CSGALNACT2: variants seen among roughly 807,000 people sequenced by gnomAD.
CSGALNACT2 encodes the protein beta 4 GalNAcT-2.
In CSGALNACT2, 35 loss-of-function variants were observed where a neutral mutation model predicts 55.3. The observed-to-expected ratio is 0.63, with a 90% CI of 0.48 to 0.84. CSGALNACT2 has a LOEUF of 0.84. Among genes scored for constraint, CSGALNACT2 ranks in the 40% least tolerant of loss-of-function variants. CSGALNACT2 has a pLI of 0.00. For missense variants in CSGALNACT2, 544 were observed against 657.5 expected, an observed-to-expected ratio of 0.83 and a Z score of 1.89; for synonymous variants, 196 against 224.9, an observed-to-expected ratio of 0.87 and a Z score of 1.15.
At position 43,163,945 on chromosome 10, in the gene CSGALNACT2, C is replaced by T. The variant is rs760194024; in HGVS notation, c.1060C>T (p.Arg354Ter). ...TGGACGAGGACTAAATGTGGGTGCC[C>T]GAGCTTGGGACAAGGGAGAGGTCTT... ...NRGRGLNVGA[R>*]AWDKGEVLMF... is the part of the protein sequence containing the mutation. Residue 354 changes from arginine (R) to a stop codon, truncating the protein, a stop_gained, in exon 5 of 8, where the codon CGA becomes TGA. Transcript: ENST00000374466. LOFTEE classifies it high-confidence loss of function. 55 of 1,613,848 alleles carry T rather than the reference C, an allele frequency of 3.4e-5. No homozygotes were observed. The highest frequency in any genetic ancestry group is 4.5e-5 in the Non-Finnish European group (53 of 1,179,964).
At chr10:43,156,886 C>G (rs1396717895) in intron 2 of CSGALNACT2, among the ~76,000 whole-genome samples, 1 of 152,230 alleles carries the variant, frequency 6.6e-6, no homozygotes, top group Non-Finnish European at 1.5e-5. Flanking sequence ...CAGTAGCGGT[C>G]TGTGGCCTGG....
intron 1 of CSGALNACT2, among the ~76,000 whole-genome samples, chr10:43,144,434 T>C (rs936495013): frequency 1.3e-5 from 2 of 152,230 alleles, no homozygotes; most frequent in Non-Finnish European, 2.9e-5. Flanking sequence ...AGAAAAGATA[T>C]GGTAAGACCT....
chr10:43,163,523 G>A, intron 4 of CSGALNACT2: 1 of 985,394 alleles, frequency 1.0e-6, no homozygotes, highest in Non-Finnish European at 1.2e-6. Flanking sequence ...CTTTGTGTGT[G>A]TTATCCATTT....
At chr10:43,179,352 A>C (rs961245838) in intron 7 of CSGALNACT2, among the ~76,000 whole-genome samples, 15 of 141,008 alleles carry the variant, frequency 1.1e-4, no homozygotes, top group African/African-American at 3.9e-4. Context: ...CACTGTGGCA[A>C]CTCTGGATAC....
intron 2 of CSGALNACT2, among the ~76,000 whole-genome samples, chr10:43,158,512 C>T (rs1360117676): frequency 2.6e-5 from 4 of 152,026 alleles, no homozygotes; most frequent in Non-Finnish European, 5.9e-5. Flanking sequence ...AATAAAATAA[C>T]AGAACAGTGA....
At chr10:43,141,668 A>G (rs1455871569) in intron 1 of CSGALNACT2, among the ~76,000 whole-genome samples, 2 of 147,260 alleles carry the variant, frequency 1.4e-5, no homozygotes, top group Admixed American at 1.4e-4. Context: ...GGGAAAGACT[A>G]CCCATGACAT....
intron 4 of CSGALNACT2, among the ~76,000 whole-genome samples, chr10:43,161,844 A>G (rs2133125505): frequency 6.6e-6 from 1 of 152,232 alleles, no homozygotes; most frequent in Admixed American, 6.5e-5. Flanking sequence ...TGCTACTGCC[A>G]CCACCCTAAC....
Position 43,154,908 on chromosome 10 carries a change from C to A in CSGALNACT2, c.-242C>A. The A allele has an allele frequency of 2.1e-6, 1 of 465,640 alleles. No individual in the cohort carries two copies. Among genetic ancestry groups the A allele is most frequent in the Non-Finnish European group, 3.8e-6 (1 of 263,674 alleles). The allele number at this position is 465,640 out of a possible 1,614,324, so 28.8% of individuals were successfully genotyped here. On this transcript the variant is annotated 5_prime_UTR_variant, in exon 2 of 8. Coordinates refer to ENST00000374466, the MANE Select transcript of CSGALNACT2 (RefSeq NM_018590.5). ...TCTGTGTCTTTCAGAAAAATCACTACCAATATAATGGATTTTATATATCAG... is the reference window on the plus strand; with the variant it reads ...TCTGTGTCTTTCAGAAAAATCACTAACAATATAATGGATTTTATATATCAG...
intron 1 of CSGALNACT2, among the ~76,000 whole-genome samples, chr10:43,152,484 T>C (rs1323016038): frequency 6.6e-6 from 1 of 152,204 alleles, no homozygotes; most frequent in East Asian, 1.9e-4. Context: ...TCAACTGTAA[T>C]ATTAAGTAGG....
At chr10:43,164,260 C>T (rs1839212955) in intron 5 of CSGALNACT2, among the ~76,000 whole-genome samples, 1 of 152,130 alleles carries the variant, frequency 6.6e-6, no homozygotes, top group Admixed American at 6.5e-5. Context: ...GTCCAACTTC[C>T]AGTGACTACA....
intron 6 of CSGALNACT2, among the ~76,000 whole-genome samples, chr10:43,169,226 T>C (rs762894763): frequency 1.3e-5 from 2 of 152,136 alleles, no homozygotes; most frequent in Non-Finnish European, 2.9e-5. Context: ...GCCATTGTAA[T>C]CAAAGCTAAC....
At chr10:43,164,942 G>T (rs1009704143) in intron 5 of CSGALNACT2, among the ~76,000 whole-genome samples, 5 of 151,876 alleles carry the variant, frequency 3.3e-5, no homozygotes, top group Non-Finnish European at 5.9e-5. Flanking sequence ...GTATTAAAGA[G>T]GCTGGGGGTG....
At chr10:43,181,648 C>T (rs906133391) in intron 7 of CSGALNACT2, among the ~76,000 whole-genome samples, 11 of 151,166 alleles carry the variant, frequency 7.3e-5, no homozygotes, top group African/African-American at 2.2e-4. Flanking sequence ...CATGGTGGCT[C>T]GAACTTGTGG....
chr10:43,141,378 C>T (rs1047581845), intron 1 of CSGALNACT2, among the ~76,000 whole-genome samples: 49 of 135,396 alleles, frequency 3.6e-4, no homozygotes, highest in African/African-American at 1.4e-3. Flanking sequence ...CCACCATGCC[C>T]GGCTAATTTT....
chr10:43,176,132 T>C (rs1839477500), intron 7 of CSGALNACT2, 100 bp downstream of exon 7: 1 of 908,444 alleles, frequency 1.1e-6, no homozygotes, highest in Non-Finnish European at 1.7e-6. Context: ...TACTAAAGTA[T>C]GAGTGTCTAA....
At chr10:43,141,976 C>A (rs1045490173) in intron 1 of CSGALNACT2, among the ~76,000 whole-genome samples, 1 of 152,206 alleles carries the variant, frequency 6.6e-6, no homozygotes, top group Admixed American at 6.5e-5. Context: ...GACTGTTCCC[C>A]ACTCTTCTTC....
rs977329744 is a variant in CSGALNACT2, at chr10:43,184,793, A to G, written c.*1251A>G. 8 of 152,222 alleles carry G rather than the reference A, an allele frequency of 5.3e-5. No individual in the cohort carries two copies. The highest frequency in any genetic ancestry group is 1.9e-4 in the African/African-American group (8 of 41,454). 9.4% of individuals were successfully genotyped at this position (152,222 alleles called of 1,614,324 possible). On this transcript the variant is annotated 3_prime_UTR_variant, in exon 8 of 8. Coordinates refer to ENST00000374466, the MANE Select transcript of CSGALNACT2 (RefSeq NM_018590.5). ...TGTTACCATCAGGTCAATTCCTAGTATGCATAAATTTTTTAACCCTTTTAA... is the reference window on the plus strand; with the variant it reads ...TGTTACCATCAGGTCAATTCCTAGTGTGCATAAATTTTTTAACCCTTTTAA...
intron 1 of CSGALNACT2, among the ~76,000 whole-genome samples, chr10:43,146,274 G>GT (rs1838745792): frequency 6.8e-6 from 1 of 147,092 alleles, no homozygotes; most frequent in African/African-American, 2.7e-5. Context: ...AACCACTGGT[G>GT]TAAGTCCAAG....
chr10:43,155,951 A>G (rs1056839230), intron 2 of CSGALNACT2, 141 bp downstream of exon 2: 2 of 807,702 alleles, frequency 2.5e-6, no homozygotes, highest in Non-Finnish European at 3.8e-6. Context: ...TAAGTCAGTC[A>G]TTATCCACAG....
Sources: allele counts gnomAD v4.1 joint callset (sites outside exome capture counted in the v4.1 genomes callset), GRCh38; gene constraint gnomAD v4.1.1; transcripts MANE v1.5; gene names NCBI Gene and HGNC (gene_info 2026-07-23, HGNC 2026-07-21).